The following BMP7 variants were observed in gnomAD, a reference collection of about 807,000 sequenced individuals.
BMP7 encodes the protein osteogenic protein 1.
Under a neutral mutation model 41.2 loss-of-function variants are expected in BMP7, and 12 were observed. That is an observed-to-expected ratio of 0.29 (90% CI 0.19 to 0.47). The LOEUF (loss-of-function observed/expected upper bound fraction) is 0.47, where lower values mean the gene tolerates loss of function less well. Ranked by LOEUF, BMP7 falls within the 20% of genes least tolerant of loss-of-function variation. The probability of loss-of-function intolerance (pLI) is 0.99; values close to 1 mark genes in which losing one functional copy is unlikely to be tolerated. For missense variants in BMP7, 467 were observed against 606.0 expected (o/e 0.77, Z 2.41); for synonymous variants, 248 against 250.0 (o/e 0.99, Z 0.07).
rs1244773650 is a variant in BMP7, at chr20:57,217,205, G to GA, written c.611+11023_611+11024insT. On this transcript the variant is annotated intron_variant, in intron 2 of 6. Transcript: ENST00000395863. ...CCCCACCCACCCTCTCCCACTTCCG[G>GA]GACCTGTGGGTTCAACCCCAGAGCA... Among the ~76,000 whole-genome samples the GA allele has an allele frequency of 2.0e-5, 3 of 152,186 alleles. No homozygotes were observed. The South Asian group carries it at 6.2e-4, about 32-fold the overall frequency.
intron 3 of BMP7, among the ~76,000 whole-genome samples, chr20:57,201,168 C>T (rs180906802): frequency 1.1e-4 from 17 of 152,326 alleles, no homozygotes; most frequent in East Asian, 9.6e-4. Context: ...GAAAATCCTA[C>T]GTACATTAAG....
At chr20:57,211,208 C>A (rs1361355017) in intron 2 of BMP7, among the ~76,000 whole-genome samples, 1 of 152,246 alleles carries the variant, frequency 6.6e-6, no homozygotes, top group African/African-American at 2.4e-5. Flanking sequence ...TCAGTACAAT[C>A]CGCATCCCCA....
intron 4 of BMP7, among the ~76,000 whole-genome samples, chr20:57,177,026 T>A (rs1384951613): frequency 6.6e-6 from 1 of 152,196 alleles, no homozygotes; most frequent in Non-Finnish European, 1.5e-5. Flanking sequence ...AGTGGTGCAG[T>A]AAGCTAGCCT....
At chr20:57,173,668 G>C in intron 5 of BMP7, 3 of 349,602 alleles carry the variant, frequency 8.6e-6, no homozygotes, top group East Asian at 6.7e-5. Flanking sequence ...ATGAAGGAAA[G>C]CCCCACGGGG....
chr20:57,236,918 T>G (rs1019675967), intron 1 of BMP7, among the ~76,000 whole-genome samples: 5 of 152,192 alleles, frequency 3.3e-5, no homozygotes, highest in Non-Finnish European at 5.9e-5. Context: ...AGTTGATAAA[T>G]GGATAGTAAA....
At chr20:57,250,539 A>AG (rs1491483392) in intron 1 of BMP7, among the ~76,000 whole-genome samples, 3 of 70,708 alleles carry the variant, frequency 4.2e-5, no homozygotes, top group Non-Finnish European at 7.4e-5. Context: ...ACTCTGACTC[A>AG]AAAAAAAAAA....
intron 3 of BMP7, among the ~76,000 whole-genome samples, chr20:57,195,994 G>T (rs1008377982): frequency 6.6e-6 from 1 of 152,136 alleles, no homozygotes; most frequent in Non-Finnish European, 1.5e-5. Flanking sequence ...CCCCAACGAG[G>T]GAGTATAACA....
intron 3 of BMP7, among the ~76,000 whole-genome samples, chr20:57,194,791 C>G (rs903803685): frequency 1.3e-5 from 2 of 152,226 alleles, no homozygotes; most frequent in African/African-American, 4.8e-5. Context: ...CGCAAAGTCA[C>G]CTACCGGGGA....
At chr20:57,241,699 C>T (rs561015436) in intron 1 of BMP7, among the ~76,000 whole-genome samples, 9 of 152,204 alleles carry the variant, frequency 5.9e-5, no homozygotes, top group Non-Finnish European at 8.8e-5. Context: ...GCAGGCATCT[C>T]CTTGGCCATC....
chr20:57,247,870 C>T (rs2066096563), intron 1 of BMP7, among the ~76,000 whole-genome samples: 2 of 152,172 alleles, frequency 1.3e-5, no homozygotes, highest in African/African-American at 4.8e-5. Context: ...AATTCCTGAC[C>T]TCCTCGGGTC....
At position 57,194,740 on chromosome 20, in the gene BMP7, T is replaced by C. The variant is rs372579861; in HGVS notation, c.760+7735A>G. Among the ~76,000 whole-genome samples, 34 of 152,362 alleles carry C rather than the reference T, an allele frequency of 2.2e-4. No individual in the cohort carries two copies. The East Asian group carries it at 6.0e-3, about 27-fold the overall frequency. On this transcript the variant is annotated intron_variant, in intron 3 of 6. Transcript: ENST00000395863. ...TCGCTGGAATCTCCCAAGGTAGAAC[T>C]GTGACCCCACATTTACAAAGGAGGA...
chr20:57,225,235 G>T (rs1985283837), intron 2 of BMP7, among the ~76,000 whole-genome samples: 1 of 152,216 alleles, frequency 6.6e-6, no homozygotes. Context: ...GCGAGCTGGA[G>T]GAAGCGTGGG....
At chr20:57,258,553 A>T (rs2066142532) in intron 1 of BMP7, among the ~76,000 whole-genome samples, 1 of 152,276 alleles carries the variant, frequency 6.6e-6, no homozygotes, top group South Asian at 2.1e-4. Flanking sequence ...TTTTGAAATT[A>T]ATTTTTAATT....
intron 1 of BMP7, among the ~76,000 whole-genome samples, chr20:57,243,397 T>G (rs1328718860): frequency 2.0e-5 from 3 of 152,136 alleles, no homozygotes; most frequent in Non-Finnish European, 2.9e-5. Flanking sequence ...AAGAATCGCT[T>G]GAACCCAGGA....
Position 57,169,255 on chromosome 20 carries a change from A to C in BMP7, c.*1704T>G, listed in dbSNP as rs6014946. On this transcript the variant is annotated 3_prime_UTR_variant, in exon 7 of 7. Transcript: ENST00000395863. ...GGAACTGTCTGAGTCAAGATGGAGAAACAGTCCCCCACAAGACCGGGTTCC... is the reference window on the plus strand; with the variant it reads ...GGAACTGTCTGAGTCAAGATGGAGACACAGTCCCCCACAAGACCGGGTTCC... 64,035 of 152,200 alleles carry C rather than the reference A, an allele frequency of 0.42. 14,873 individuals carry two copies. The highest frequency in any genetic ancestry group is 0.68 in the East Asian group (3,505 of 5,170). The allele number at this position is 152,200 out of a possible 1,614,324, so 9.4% of individuals were successfully genotyped here.
intron 1 of BMP7, among the ~76,000 whole-genome samples, chr20:57,232,894 C>CAT (rs946141880): frequency 7.1e-6 from 1 of 141,784 alleles, no homozygotes; most frequent in African/African-American, 2.9e-5. Flanking sequence ...CACACACACA[C>CAT]ACACAAATAA....
chr20:57,229,434 G>A (rs553865115), intron 1 of BMP7, among the ~76,000 whole-genome samples: 1 of 152,320 alleles, frequency 6.6e-6, no homozygotes, highest in African/African-American at 2.4e-5. Flanking sequence ...AGACTAAGAT[G>A]TCATGTCCAT....
Position 57,266,307 on chromosome 20 carries a change from GTGCT to G in BMP7, c.-189_-186del. ...TGCCCGGACCCCCGCCCCCTGCTCG[GTGCT>G]GGCCCCGGGCCCCTCGCCCCGCACT... On this transcript the variant is annotated 5_prime_UTR_variant, in exon 1 of 7. Coordinates refer to ENST00000395863, the MANE Select transcript of BMP7 (RefSeq NM_001719.3). 2.4e-6 allele frequency: 1 copy of G among 416,500 alleles called. No homozygotes were observed. The highest frequency in any genetic ancestry group is 3.8e-6 in the Non-Finnish European group (1 of 263,436). The allele number at this position is 416,500 out of a possible 1,614,324, so 25.8% of individuals were successfully genotyped here.
intron 1 of BMP7, among the ~76,000 whole-genome samples, chr20:57,229,973 C>T (rs1335895069): frequency 6.6e-6 from 1 of 152,212 alleles, no homozygotes; most frequent in Non-Finnish European, 1.5e-5. Flanking sequence ...AGGCTGTTCC[C>T]TCTCAGGAAG....
Sources: gnomAD v4.1 joint callset for allele counts (sites outside exome capture counted in the v4.1 genomes callset) on GRCh38, gnomAD v4.1.1 for gene constraint, MANE v1.5 for transcripts, NCBI Gene and HGNC (gene_info 2026-07-23, HGNC 2026-07-21) for gene names.